Variants in NHSL2 observed in about 807,000 individuals in gnomAD.
NHSL2 encodes the protein NHS like 2, also known as NHS-like protein 2.
A neutral mutation model predicts 53.4 loss-of-function variants in NHSL2; 27 were observed. The observed-to-expected ratio is 0.51, with a 90% confidence interval of 0.37 to 0.70. NHSL2 has a LOEUF of 0.70. Among genes scored for constraint, NHSL2 ranks in the 30% least tolerant of loss-of-function variants. The probability of loss-of-function intolerance (pLI) is 0.00; values close to 1 mark genes in which losing one functional copy is unlikely to be tolerated. For synonymous variants in NHSL2, 408 were observed against 404.1 expected (o/e 1.01, Z -0.12); for missense variants, 892 against 980.1 (o/e 0.91, Z 1.20).
chrX:71,993,926 T>C (rs777046673), intron 1 of NHSL2, among the ~76,000 whole-genome samples: 14 of 111,996 alleles, frequency 1.3e-4, no homozygotes, highest in Non-Finnish European at 2.1e-4. Flanking sequence ...TTCAGCCTTC[T>C]GGCTGCCAGT....
chrX:72,059,334 A>G (rs1373981882), intron 1 of NHSL2, among the ~76,000 whole-genome samples: 1 of 110,434 alleles, frequency 9.1e-6, no homozygotes, highest in Non-Finnish European at 1.9e-5. Flanking sequence ...CATTGCAGCC[A>G]CCCTACTGAT....
At chrX:72,036,469 G>T (rs1440982262) in intron 1 of NHSL2, among the ~76,000 whole-genome samples, 1 of 111,742 alleles carries the variant, frequency 8.9e-6, no homozygotes, top group Admixed American at 9.4e-5. Flanking sequence ...GAATTTCTTC[G>T]GGTTTATCTT....
chrX:72,020,828 A>G (rs189442227), intron 1 of NHSL2, among the ~76,000 whole-genome samples: 1 of 112,804 alleles, frequency 8.9e-6, no homozygotes, highest in East Asian at 2.8e-4. Context: ...GATGGTTTGT[A>G]TGTTGACTCT....
At chrX:72,024,615 C>A (rs2042176311) in intron 1 of NHSL2, among the ~76,000 whole-genome samples, 1 of 111,855 alleles carries the variant, frequency 8.9e-6, no homozygotes, top group South Asian at 3.7e-4. Context: ...AGCTAAAGAA[C>A]AAAAGAGCAC....
chrX:71,946,026 G>A (rs993861547), intron 1 of NHSL2, among the ~76,000 whole-genome samples: 14 of 112,078 alleles, frequency 1.2e-4, no homozygotes, highest in Non-Finnish European at 2.3e-4. Flanking sequence ...CTGACATACC[G>A]GCTGTGCGGC....
chrX:72,131,646 G>A lies in NHSL2; in HGVS notation c.281-433G>A, dbSNP rs191588371. Reference sequence around the variant, plus strand: ...GCGGCGGCGGGGCTCGGGAGGGACCGAAGTGCGGCAGCGGGGCACGGGCCA... The same window carrying A: ...GCGGCGGCGGGGCTCGGGAGGGACCAAAGTGCGGCAGCGGGGCACGGGCCA... On this transcript the variant is annotated intron_variant, in intron 1 of 7. Coordinates refer to ENST00000633930, the MANE Select transcript of NHSL2 (RefSeq NM_001013627.3). 1,179 of 826,800 alleles carry A rather than the reference G, an allele frequency of 1.4e-3. 5 individuals are homozygous for A. In the African/African-American group the frequency reaches 0.022, roughly 15 times the overall value. 68.1% of individuals were successfully genotyped at this position (826,800 alleles called of 1,213,427 possible). A position where few individuals can be genotyped will look rare whatever the true frequency, so the allele number is the denominator to read the frequency against.
intron 1 of NHSL2, chrX:72,129,668 C>G: frequency 3.8e-6 from 2 of 520,297 alleles, no homozygotes; most frequent in Middle Eastern, 1.2e-3. Flanking sequence ...GCTCTCTGGT[C>G]ACGGTTGCAA....
chrX:72,068,916 G>A (rs906164290), intron 1 of NHSL2, among the ~76,000 whole-genome samples: 3 of 112,339 alleles, frequency 2.7e-5, no homozygotes, highest in African/African-American at 9.7e-5. Flanking sequence ...GCATCTGGCT[G>A]TGCTAGCTCC....
chrX:72,061,852 G>C (rs2042401216), intron 1 of NHSL2, among the ~76,000 whole-genome samples: 1 of 111,770 alleles, frequency 8.9e-6, no homozygotes, highest in Admixed American at 9.5e-5. Context: ...TCTTAGCTCG[G>C]AGAGAACTTC....
At chrX:71,979,977 T>A (rs2147866165) in intron 1 of NHSL2, among the ~76,000 whole-genome samples, 1 of 112,423 alleles carries the variant, frequency 8.9e-6, no homozygotes, top group Non-Finnish European at 1.9e-5. Context: ...GCTTTCTACA[T>A]ATGGCTATCC....
At chrX:71,991,589 T>C (rs1281183566) in intron 1 of NHSL2, among the ~76,000 whole-genome samples, 1 of 112,484 alleles carries the variant, frequency 8.9e-6, no homozygotes, top group African/African-American at 3.2e-5. Flanking sequence ...TGTCTTTACA[T>C]AGCCCAGCAC....
intron 1 of NHSL2, among the ~76,000 whole-genome samples, chrX:72,109,473 T>C (rs771786361): frequency 9.0e-6 from 1 of 110,865 alleles, no homozygotes; most frequent in Non-Finnish European, 1.9e-5. Flanking sequence ...TGTTGTTGTT[T>C]GTTTGTTTGT....
intron 1 of NHSL2, among the ~76,000 whole-genome samples, chrX:71,987,356 G>A (rs1022392240): frequency 8.9e-6 from 1 of 112,687 alleles, no homozygotes; most frequent in Admixed American, 9.3e-5. Flanking sequence ...TAGAACATCA[G>A]ACAGAAGTAC....
chrX:71,984,826 C>CTTTT (rs140131441), intron 1 of NHSL2, among the ~76,000 whole-genome samples: 1 of 91,287 alleles, frequency 1.1e-5, no homozygotes, highest in Non-Finnish European at 2.1e-5. Context: ...TATTTCTTTC[C>CTTTT]TTTTTTTTTT....
intron 4 of NHSL2, 108 bp from the exon 5 acceptor site, chrX:72,136,986 G>A: frequency 1.5e-6 from 1 of 665,090 alleles, no homozygotes; most frequent in East Asian, 3.8e-5. Flanking sequence ...TGCCTTGGAT[G>A]CTATTCATGC....
At chrX:71,927,269 T>G (rs775477748) in intron 1 of NHSL2, among the ~76,000 whole-genome samples, 1 of 112,031 alleles carries the variant, frequency 8.9e-6, no homozygotes, top group Non-Finnish European at 1.9e-5. Flanking sequence ...AGGGAGGGAC[T>G]CAATGGGGTC....
At chrX:72,039,201 C>T (rs1036483107) in intron 1 of NHSL2, among the ~76,000 whole-genome samples, 3 of 107,209 alleles carry the variant, frequency 2.8e-5, no homozygotes, top group African/African-American at 6.8e-5. Context: ...TTGTGCAACA[C>T]GACTCTTAGG....
At chrX:72,099,118 A>G (rs1381901876) in intron 1 of NHSL2, among the ~76,000 whole-genome samples, 1 of 111,705 alleles carries the variant, frequency 9.0e-6, no homozygotes, top group Non-Finnish European at 1.9e-5. Flanking sequence ...TTGTTAATGG[A>G]CATTTAGGTA....
At chrX:72,133,972 A>G in intron 2 of NHSL2, 119 bp from the exon 3 acceptor site, 1 of 743,444 alleles carries the variant, frequency 1.3e-6, no homozygotes, top group Non-Finnish European at 1.9e-6. Flanking sequence ...GAAATAGCCT[A>G]AAGAAAATGC....
Sources: gnomAD v4.1 joint callset for allele counts (sites outside exome capture counted in the v4.1 genomes callset) on GRCh38, gnomAD v4.1.1 for gene constraint, MANE v1.5 for transcripts, NCBI Gene and HGNC (gene_info 2026-07-23, HGNC 2026-07-21) for gene names.